The following ST6GALNAC3 variants were observed in gnomAD, a reference collection of about 807,000 sequenced individuals.
ST6GALNAC3 encodes the protein ST6 N-acetylgalactosaminide alpha-2,6-sialyltransferase 3.
ST6GALNAC3 carries 25 observed loss-of-function variants against 32.7 expected under a neutral mutation model. That is an observed-to-expected ratio of 0.76 (90% CI 0.56 to 1.07). The LOEUF is 1.07. Ranked by LOEUF, ST6GALNAC3 falls within the 50% of genes least tolerant of loss-of-function variation. ST6GALNAC3 has a pLI of 0.00. For synonymous variants in ST6GALNAC3, 129 were observed against 133.1 expected (o/e 0.97, Z 0.21); for missense variants, 355 against 382.4 (o/e 0.93, Z 0.60).
At chr1:76,274,522 A>T (rs999653381) in intron 1 of ST6GALNAC3, among the ~76,000 whole-genome samples, 11 of 152,168 alleles carry the variant, frequency 7.2e-5, no homozygotes, top group Non-Finnish European at 1.6e-4. Context: ...TCAGGAATCC[A>T]CAAGTAAGCA....
intron 3 of ST6GALNAC3, among the ~76,000 whole-genome samples, chr1:76,496,966 A>G (rs943292978): frequency 1.3e-5 from 2 of 152,130 alleles, no homozygotes; most frequent in Admixed American, 1.3e-4. Context: ...GGCTTCTTCA[A>G]ATAGGTGAAG....
At chr1:76,174,663 C>CTTTTTTTTTTTTT (rs59269306) in intron 1 of ST6GALNAC3, among the ~76,000 whole-genome samples, 10 of 140,098 alleles carry the variant, frequency 7.1e-5, no homozygotes, top group Non-Finnish European at 9.1e-5. Context: ...TTTTTCTTTT[C>CTTTTTTTTTTTTT]TTTTTTTTTT....
At chr1:76,286,598 G>A (rs1659794155) in intron 1 of ST6GALNAC3, among the ~76,000 whole-genome samples, 1 of 152,192 alleles carries the variant, frequency 6.6e-6, no homozygotes, top group South Asian at 2.1e-4. Flanking sequence ...CTTGACCTTG[G>A]GCAACCTTCT....
chr1:76,563,269 G>T (rs1031110932), intron 3 of ST6GALNAC3, among the ~76,000 whole-genome samples: 2 of 152,290 alleles, frequency 1.3e-5, no homozygotes, highest in East Asian at 3.9e-4. Context: ...GGGATGTTAG[G>T]CCTTGAGCCA....
intron 3 of ST6GALNAC3, among the ~76,000 whole-genome samples, chr1:76,589,834 C>G (rs1393031672): frequency 1.3e-5 from 2 of 151,866 alleles, no homozygotes; most frequent in African/African-American, 4.8e-5. Flanking sequence ...CCTTGATACC[C>G]AGCACCCCTT....
At chr1:76,184,167 T>C (rs1026862700) in intron 1 of ST6GALNAC3, among the ~76,000 whole-genome samples, 1 of 152,004 alleles carries the variant, frequency 6.6e-6, no homozygotes, top group Non-Finnish European at 1.5e-5. Flanking sequence ...AACATCTCCA[T>C]AGGGGCATTT....
intron 2 of ST6GALNAC3, among the ~76,000 whole-genome samples, chr1:76,342,382 A>T (rs528438977): frequency 1.3e-5 from 2 of 151,950 alleles, no homozygotes; most frequent in East Asian, 3.9e-4. Flanking sequence ...TTGTTTCCTG[A>T]CTTTTTAATG....
intron 1 of ST6GALNAC3, among the ~76,000 whole-genome samples, chr1:76,179,274 G>A (rs1653032115): frequency 6.6e-6 from 1 of 152,078 alleles, no homozygotes; most frequent in Non-Finnish European, 1.5e-5. Flanking sequence ...AGATTTTTTT[G>A]CAAGCTTCTT....
chr1:76,147,561 T>C (rs777899711), intron 1 of ST6GALNAC3, among the ~76,000 whole-genome samples: 1 of 152,208 alleles, frequency 6.6e-6, no homozygotes, highest in African/African-American at 2.4e-5. Context: ...CAGAGAACTT[T>C]ACCCCTCCCA....
At chr1:76,402,549 A>G (rs1653506314) in intron 2 of ST6GALNAC3, among the ~76,000 whole-genome samples, 1 of 152,150 alleles carries the variant, frequency 6.6e-6, no homozygotes, top group African/African-American at 2.4e-5. Context: ...TGTGTTCCAG[A>G]ATATTATTTA....
At position 76,253,622 on chromosome 1, in the gene ST6GALNAC3, A is replaced by T. The variant is rs892655002; in HGVS notation, c.19-60183A>T. ...TCTTTTACTATTTGTTTTCTTTTAG[A>T]TGAGTTCAATTGGAGCCTGCCCGCT... On this transcript the variant is annotated intron_variant, in intron 1 of 4. Coordinates refer to ENST00000328299, the MANE Select transcript of ST6GALNAC3 (RefSeq NM_152996.4). Among the ~76,000 whole-genome samples the T allele has an allele frequency of 2.0e-5, 3 of 152,110 alleles. No individual in the cohort carries two copies. The South Asian group carries it at 6.2e-4, about 32-fold the overall frequency.
chr1:76,619,009 T>C (rs932748772), intron 3 of ST6GALNAC3, among the ~76,000 whole-genome samples: 2 of 152,114 alleles, frequency 1.3e-5, no homozygotes, highest in African/African-American at 4.8e-5. Context: ...AACTATAAAC[T>C]GCATAGGCCA....
intron 2 of ST6GALNAC3, among the ~76,000 whole-genome samples, chr1:76,324,467 C>A (rs1366055926): frequency 2.6e-5 from 4 of 152,006 alleles, no homozygotes; most frequent in Non-Finnish European, 5.9e-5. Flanking sequence ...GTGATGAAAC[C>A]GACACTTTAC....
intron 3 of ST6GALNAC3, among the ~76,000 whole-genome samples, chr1:76,460,668 A>T (rs1046772524): frequency 2.8e-4 from 42 of 152,172 alleles, no homozygotes; most frequent in African/African-American, 9.2e-4. Context: ...TGACTTTATT[A>T]TTCTTTATTT....
chr1:76,495,010 G>GA (rs1660765904), intron 3 of ST6GALNAC3, among the ~76,000 whole-genome samples: 1 of 152,140 alleles, frequency 6.6e-6, no homozygotes, highest in Non-Finnish European at 1.5e-5. Flanking sequence ...TTACTCATGA[G>GA]AAGGTCAGTC....
intron 2 of ST6GALNAC3, among the ~76,000 whole-genome samples, chr1:76,357,158 C>T (rs1266876303): frequency 1.7e-4 from 3 of 17,210 alleles, no homozygotes; most frequent in African/African-American, 1.7e-4. Flanking sequence ...TTTTTGAGAC[C>T]GAGTCTTACT....
chr1:76,597,517 G>A (rs576794688), intron 3 of ST6GALNAC3, among the ~76,000 whole-genome samples: 2 of 152,112 alleles, frequency 1.3e-5, no homozygotes, highest in East Asian at 3.9e-4. Context: ...CAGAATTTTG[G>A]AATCGCCTCC....
intron 3 of ST6GALNAC3, among the ~76,000 whole-genome samples, chr1:76,540,940 G>T (rs983037158): frequency 6.6e-6 from 1 of 152,166 alleles, no homozygotes; most frequent in African/African-American, 2.4e-5. Flanking sequence ...ATGTAATGTG[G>T]TAAGTGTGAT....
chr1:76,197,115 C>A (rs2100526522), intron 1 of ST6GALNAC3, among the ~76,000 whole-genome samples: 1 of 152,310 alleles, frequency 6.6e-6, no homozygotes, highest in Non-Finnish European at 1.5e-5. Context: ...TTTTCACTGG[C>A]TCTAAGCTCC....
Sources: gnomAD v4.1 joint callset for allele counts (sites outside exome capture counted in the v4.1 genomes callset) on GRCh38, gnomAD v4.1.1 for gene constraint, MANE v1.5 for transcripts, NCBI Gene and HGNC (gene_info 2026-07-23, HGNC 2026-07-21) for gene names.